The following CASZ1 variants were observed in gnomAD, a reference collection of about 807,000 sequenced individuals.
CASZ1 encodes the protein zinc finger protein castor homolog 1.
A neutral mutation model predicts 135.2 loss-of-function variants in CASZ1; 28 were observed. That is an observed-to-expected ratio of 0.21 (90% CI 0.15 to 0.28). The LOEUF (loss-of-function observed/expected upper bound fraction) is 0.28, where lower values mean the gene tolerates loss of function less well. Among genes scored for constraint, CASZ1 ranks in the 10% least tolerant of loss-of-function variants. The pLI is 1.00. For synonymous variants in CASZ1, 1,068 were observed against 1,073.4 expected (o/e 0.99, Z 0.10); for missense variants, 2,161 against 2,453.3 (o/e 0.88, Z 2.52).
intron 4 of CASZ1, among the ~76,000 whole-genome samples, chr1:10,680,690 C>T (rs148728356): frequency 5.4e-4 from 82 of 152,276 alleles, no homozygotes; most frequent in African/African-American, 1.5e-3. Context: ...GGCGGGCAGA[C>T]GGACTTGCTG....
chr1:10,740,758 G>C (rs1271726505), intron 2 of CASZ1, among the ~76,000 whole-genome samples: 1 of 152,078 alleles, frequency 6.6e-6, no homozygotes, highest in Non-Finnish European at 1.5e-5. Context: ...AGACCAGCCT[G>C]GGCAATACAG....
chr1:10,651,075 T>C lies in CASZ1; in HGVS notation c.2682A>G (p.Gly894=), dbSNP rs1370780383. 1.3e-6 allele frequency: 2 copies of C among 1,516,622 alleles called. No homozygotes were observed. Among genetic ancestry groups the C allele is most frequent in the East Asian group, 4.7e-5 (2 of 42,748 alleles). The allele number at this position is 1,516,622 out of a possible 1,614,324, so 93.9% of individuals were successfully genotyped here. A position where few individuals can be genotyped will look rare whatever the true frequency, so the allele number is the denominator to read the frequency against. ...ALKPSATFDP[G]SGQQVTPARF... ...TGGCTGGGGTGACCTGCTGCCCGCT[T>C]CCTGCAGGGGAGGGGTGGGAAGATG... The change falls in exon 12 of 21, where the codon GGA becomes GGG. Residue 894 remains glycine, a splice_region_variant and synonymous_variant. Transcript: ENST00000377022.
chr1:10,675,019 C>CCA (rs1223897145), intron 4 of CASZ1, among the ~76,000 whole-genome samples: 2 of 152,106 alleles, frequency 1.3e-5, no homozygotes, highest in African/African-American at 4.8e-5. Context: ...TCAGATACCC[C>CCA]CCGCAACCAA....
In CASZ1 at chr1:10,676,454, G is replaced by T. The variant is rs1638227797; in HGVS notation, c.17-10883C>A. Among the ~76,000 whole-genome samples, 3 of 152,126 alleles carry T rather than the reference G, an allele frequency of 2.0e-5. No homozygotes were observed. The highest frequency in any genetic ancestry group is 1.3e-4 in the Admixed American group (2 of 15,272). ...TTTCAACAGAACATCCCCAATGCAG[G>T]CTCTTCCCACCAGGACAAAGAAGAC... On this transcript the variant is annotated intron_variant, in intron 4 of 20. Coordinates refer to ENST00000377022, the MANE Select transcript of CASZ1 (RefSeq NM_001079843.3). The surrounding 1 kb of genome is among the most constrained non-coding windows in gnomAD (Gnocchi z 4.5).
At chr1:10,661,761 C>T (rs1467306508) in intron 5 of CASZ1, among the ~76,000 whole-genome samples, 4 of 151,434 alleles carry the variant, frequency 2.6e-5, no homozygotes, top group African/African-American at 9.7e-5. Flanking sequence ...CATACTCTCA[C>T]CCACAGTCAC....
rs1386304158 is a variant in CASZ1 at position 10,759,955 on chromosome 1, C to A, written c.-77+746G>T. ...CAAGAAAGTACTGAATAATGACCAG[C>A]ATGCAATGAGTCACCCAATGTGTGT... On this transcript the variant is annotated intron_variant, in intron 2 of 20. Coordinates refer to ENST00000377022, the MANE Select transcript of CASZ1 (RefSeq NM_001079843.3). The surrounding 1 kb of genome is among the most constrained non-coding windows in gnomAD (Gnocchi z 4.2). Among the ~76,000 whole-genome samples, 2 of 152,196 alleles carry A rather than the reference C, an allele frequency of 1.3e-5. No homozygotes were observed. Among genetic ancestry groups the A allele is most frequent in the Non-Finnish European group, 2.9e-5 (2 of 68,030 alleles).
At chr1:10,749,672 G>A (rs1029517737) in intron 2 of CASZ1, among the ~76,000 whole-genome samples, 1 of 152,062 alleles carries the variant, frequency 6.6e-6, no homozygotes, top group Non-Finnish European at 1.5e-5. Context: ...TTCTAAGTGG[G>A]GCCTCTTAAT....
intron 3 of CASZ1, among the ~76,000 whole-genome samples, chr1:10,695,345 C>T (rs1638906326): frequency 6.6e-6 from 1 of 152,152 alleles, no homozygotes; most frequent in South Asian, 2.1e-4. Context: ...CCCCGGTCTT[C>T]CGGTCTTTCT....
In CASZ1 at chr1:10,741,556, G is replaced by A. The variant is rs1020169509; in HGVS notation, c.-77+19145C>T. ...GGAAAAAAGAGATTTAGATATTTAC[G>A]GGAAATACATTTGTTGGTGCCAAAC... On this transcript the variant is annotated intron_variant, in intron 2 of 20. Coordinates refer to ENST00000377022, the MANE Select transcript of CASZ1 (RefSeq NM_001079843.3). The surrounding 1 kb of genome is among the most constrained non-coding windows in gnomAD (Gnocchi z 5.0). Among the ~76,000 whole-genome samples, 4 of 152,084 alleles carry A rather than the reference G, an allele frequency of 2.6e-5. No individual in the cohort carries two copies. Among genetic ancestry groups the A allele is most frequent in the East Asian group, 1.9e-4 (1 of 5,182 alleles).
At chr1:10,740,540 T>C (rs1639896876) in intron 2 of CASZ1, among the ~76,000 whole-genome samples, 1 of 152,094 alleles carries the variant, frequency 6.6e-6, no homozygotes, top group African/African-American at 2.4e-5. Flanking sequence ...GTGGAGGCCC[T>C]GAAGGCAACA....
At chr1:10,693,478 CA>C (rs1388561734) in intron 4 of CASZ1, among the ~76,000 whole-genome samples, 1 of 77,604 alleles carries the variant, frequency 1.3e-5, no homozygotes, top group East Asian at 4.9e-4. Flanking sequence ...GCCAGACACA[CA>C]AAGATCTTTG....
In CASZ1 at chr1:10,666,776, C is replaced by T. The variant is rs544055079; in HGVS notation, c.17-1205G>A. On this transcript the variant is annotated intron_variant, in intron 4 of 20. Coordinates refer to ENST00000377022, the MANE Select transcript of CASZ1 (RefSeq NM_001079843.3). This position sits in a 1 kb window ranked among gnomAD's most constrained non-coding sequence, Gnocchi z 5.2. ...GCCTGGGACCTGCCACAAAGGCTGG[C>T]GAGGGTGGACACACACACACGCACA... 1.1e-3 allele frequency among the ~76,000 whole-genome samples: 164 copies of T among 152,298 alleles called. No individual in the cohort carries two copies. Among genetic ancestry groups the T allele is most frequent in the Non-Finnish European group, 1.9e-3 (126 of 68,014 alleles).
At chr1:10,737,091 T>C (rs1639813984) in intron 2 of CASZ1, among the ~76,000 whole-genome samples, 1 of 152,232 alleles carries the variant, frequency 6.6e-6, no homozygotes, top group Non-Finnish European at 1.5e-5. Context: ...TGGCCATTTA[T>C]TTATCCCTGC....
chr1:10,670,840 C>A (rs1035795418), intron 4 of CASZ1, among the ~76,000 whole-genome samples: 3 of 152,210 alleles, frequency 2.0e-5, no homozygotes, highest in East Asian at 1.9e-4. Flanking sequence ...ACCCCTCCCC[C>A]ACCAGCCAGG....
intron 2 of CASZ1, among the ~76,000 whole-genome samples, chr1:10,732,030 T>G (rs539419480): frequency 5.9e-5 from 9 of 152,168 alleles, no homozygotes; most frequent in African/African-American, 2.2e-4. Context: ...TATCCATATA[T>G]ATAATCCATG....
rs370170258 is a variant in CASZ1 at position 10,773,616 on chromosome 1, G to C, written c.-233-12759C>G. 6.8e-4 allele frequency among the ~76,000 whole-genome samples: 103 copies of C among 152,224 alleles called. No homozygotes were observed. The East Asian group carries it at 0.012, about 18-fold the overall frequency. ...GGGGGCAGAAGGCCTCGGCCTTCTA[G>C]CTTCTCAGCATACTTGGCCGGGGGA... On this transcript the variant is annotated intron_variant, in intron 1 of 20. Coordinates refer to ENST00000377022, the MANE Select transcript of CASZ1 (RefSeq NM_001079843.3).
rs747502443 is a variant in CASZ1 at position 10,709,334 on chromosome 1, C to T, written c.-76-3790G>A. On this transcript the variant is annotated intron_variant, in intron 2 of 20. Transcript: ENST00000377022. This position sits in a 1 kb window ranked among gnomAD's most constrained non-coding sequence, Gnocchi z 5.1. ...AGCCCCATCCTCACGCACAGCCTCT[C>T]CCTGGCCAGCCCTTTCACAGGGGCT... is the stretch of plus-strand genomic sequence containing the variant. 6.6e-6 allele frequency among the ~76,000 whole-genome samples: 1 copy of T among 152,288 alleles called. No homozygotes were observed. The highest frequency in any genetic ancestry group is 1.9e-4 in the East Asian group (1 of 5,156).
rs892920757 is a variant in CASZ1 at position 10,697,247 on chromosome 1, C to T, written c.-23-3335G>A. Among the ~76,000 whole-genome samples, 1 of 152,050 alleles carries T rather than the reference C, an allele frequency of 6.6e-6. No homozygotes were observed. The highest frequency in any genetic ancestry group is 1.5e-5 in the Non-Finnish European group (1 of 67,990). ...AGGGGCCCCCAGATTATGCGCCCCC[C>T]CCTTCTCTCTCTTTCTCTCTGAGTG... On this transcript the variant is annotated intron_variant, in intron 3 of 20. Coordinates refer to ENST00000377022, the MANE Select transcript of CASZ1 (RefSeq NM_001079843.3). The surrounding 1 kb of genome is among the most constrained non-coding windows in gnomAD (Gnocchi z 4.7).
chr1:10,736,861 C>A (rs1639807895), intron 2 of CASZ1, among the ~76,000 whole-genome samples: 1 of 152,188 alleles, frequency 6.6e-6, no homozygotes, highest in South Asian at 2.1e-4. Flanking sequence ...AAGGGGAAGG[C>A]AGGGACTGGC....
Sources: allele counts gnomAD v4.1 joint callset (sites outside exome capture counted in the v4.1 genomes callset), GRCh38; gene constraint gnomAD v4.1.1; non-coding constraint Gnocchi (gnomAD v3.1); transcripts MANE v1.5; gene names NCBI Gene and HGNC (gene_info 2026-07-23, HGNC 2026-07-21).